The following FREM2 variants were observed in gnomAD, a reference collection of about 807,000 sequenced individuals.
The protein encoded by FREM2 is FRAS1 related extracellular matrix 2, also known as FRAS1-related extracellular matrix protein 2.
A neutral mutation model predicts 219.9 loss-of-function variants in FREM2; 119 were observed. The observed-to-expected ratio is 0.54, with a 90% CI of 0.47 to 0.63. The LOEUF is 0.63. Among genes scored for constraint, FREM2 ranks in the 30% least tolerant of loss-of-function variants. FREM2 has a pLI of 0.00. For synonymous variants in FREM2, 1,562 were observed against 1,522.8 expected, an observed-to-expected ratio of 1.03 and a Z score of -0.60; for missense variants, 4,030 against 3,993.6, an observed-to-expected ratio of 1.01 and a Z score of -0.25.
At position 38,691,380 on chromosome 13, in the gene FREM2, G is replaced by C. The variant is rs1213354835; in HGVS notation, c.4036G>C (p.Gly1346Arg). 2 of 1,613,974 alleles carry C rather than the reference G, an allele frequency of 1.2e-6. No homozygotes were observed. The highest frequency in any genetic ancestry group is 2.2e-5 in the South Asian group (2 of 91,066). ...DKSLVYIIRY[G>R]PGHGLLQRRK... Reference sequence around the variant, plus strand: ...ATCTTTGGTTTATATTATTCGTTATGGGCCAGGACATGGCTTATTACAGAG... The same window carrying C: ...ATCTTTGGTTTATATTATTCGTTATCGGCCAGGACATGGCTTATTACAGAG... The change falls in exon 1 of 24, where the codon GGG becomes CGG. Residue 1346 changes from glycine (G) to arginine (R), a missense_variant. By Grantham distance (125) the Gly-to-Arg change is moderately radical. This residue lies in a region of FREM2 where 3,102 missense variants were observed against 2,950.7 expected (regional missense o/e 1.05). Transcript: ENST00000280481.
chr13:38,740,472 T>C (rs1482956585), intron 2 of FREM2, among the ~76,000 whole-genome samples: 1 of 152,186 alleles, frequency 6.6e-6, no homozygotes, highest in Non-Finnish European at 1.5e-5. Flanking sequence ...GTTGAGATGA[T>C]TAATTGGAGC....
chr13:38,704,710 TG>T (rs1870471874), intron 2 of FREM2, among the ~76,000 whole-genome samples: 1 of 152,202 alleles, frequency 6.6e-6, no homozygotes, highest in Admixed American at 6.5e-5. Flanking sequence ...GTTTTCACAG[TG>T]GTCTAAAGAA....
intron 2 of FREM2, among the ~76,000 whole-genome samples, chr13:38,751,591 C>T (rs534912383): frequency 6.6e-6 from 1 of 152,252 alleles, no homozygotes; most frequent in South Asian, 2.1e-4. Flanking sequence ...GTGCTCCCCT[C>T]CCTCCTCTGA....
intron 4 of FREM2, among the ~76,000 whole-genome samples, chr13:38,776,974 A>T (rs1369138496): frequency 6.6e-6 from 1 of 152,054 alleles, no homozygotes; most frequent in Non-Finnish European, 1.5e-5. Context: ...CAAAGACAGC[A>T]GCAGTTCCAA....
chr13:38,726,023 G>A (rs1871506222), intron 2 of FREM2, among the ~76,000 whole-genome samples: 1 of 152,144 alleles, frequency 6.6e-6, no homozygotes, highest in Non-Finnish European at 1.5e-5. Context: ...AATTGCCATT[G>A]AAAAGATGTT....
chr13:38,857,027 T>A (rs1445544547), intron 12 of FREM2, among the ~76,000 whole-genome samples: 2 of 152,184 alleles, frequency 1.3e-5, no homozygotes, highest in Non-Finnish European at 2.9e-5. Flanking sequence ...CTACAGTGCC[T>A]TGCTTTTTAT....
intron 2 of FREM2, 73 bp from the exon 3 acceptor site, chr13:38,764,226 TTAAAG>T (rs1873346522): frequency 6.8e-6 from 7 of 1,025,828 alleles, no homozygotes; most frequent in South Asian, 2.6e-5. Flanking sequence ...TGTTGTTTCA[TTAAAG>T]TAATCTGTGG....
At chr13:38,807,189 T>TTATATATATATATATATATATATA (rs59551341) in intron 6 of FREM2, among the ~76,000 whole-genome samples, 6 of 45,380 alleles carry the variant, frequency 1.3e-4, no homozygotes, top group African/African-American at 1.9e-4. Flanking sequence ...CTTGTCTCTG[T>TTATATATATATATATATATATATA]TATATATATA....
chr13:38,718,017 A>G (rs2496438), intron 2 of FREM2, among the ~76,000 whole-genome samples: 122,235 of 152,128 alleles, frequency 0.8, 49,924 homozygotes, highest in South Asian at 0.9. Flanking sequence ...ACCAACCAGA[A>G]AGAATCACAA....
At chr13:38,867,116 A>AGT (rs1877997414) in intron 16 of FREM2, among the ~76,000 whole-genome samples, 1 of 152,218 alleles carries the variant, frequency 6.6e-6, no homozygotes, top group South Asian at 2.1e-4. Flanking sequence ...AACTGACAAC[A>AGT]GTCCTACTCC....
chr13:38,815,210 T>C (rs1159946824), intron 6 of FREM2, among the ~76,000 whole-genome samples: 1 of 152,220 alleles, frequency 6.6e-6, no homozygotes, highest in African/African-American at 2.4e-5. Flanking sequence ...TGAATTGTTT[T>C]TATTTCATTG....
chr13:38,698,452 C>A (rs1046716915), intron 2 of FREM2, among the ~76,000 whole-genome samples: 4 of 152,180 alleles, frequency 2.6e-5, no homozygotes, highest in Non-Finnish European at 4.4e-5. Context: ...GAACTGCCTG[C>A]TGTTTATACT....
At chr13:38,794,276 A>G (rs962992719) in intron 6 of FREM2, among the ~76,000 whole-genome samples, 4 of 152,220 alleles carry the variant, frequency 2.6e-5, no homozygotes, top group African/African-American at 9.6e-5. Context: ...AATAGTCAGT[A>G]TTAAGGGTAT....
rs532851962 is a variant in FREM2 at position 38,776,800 on chromosome 13, C to T, written c.5642-6270C>T. Among the ~76,000 whole-genome samples the T allele has an allele frequency of 3.3e-5, 5 of 151,080 alleles. No homozygotes were observed. The East Asian group carries it at 7.8e-4, about 23-fold the overall frequency. On this transcript the variant is annotated intron_variant, in intron 4 of 23. Coordinates refer to ENST00000280481, the MANE Select transcript of FREM2 (RefSeq NM_207361.6). The stretch of plus-strand genomic sequence containing the variant: ...AACTGCTAAAAAGAAAAAAAAAAAA[C>T]CCAGAGGTCTATTCACTTAATTTCA...
At chr13:38,697,659 T>G (rs1189455699) in intron 1 of FREM2, 39 bp from the exon 2 acceptor site, 1 of 1,140,288 alleles carries the variant, frequency 8.8e-7, no homozygotes, top group African/African-American at 1.5e-5. Flanking sequence ...TCAATTTTAC[T>G]CTGGTAATTA....
Position 38,764,401 on chromosome 13 carries a change from A to G in FREM2, c.5361A>G (p.Leu1787=), listed in dbSNP as rs138378958. The change falls in exon 3 of 24, where the codon CTA becomes CTG. Residue 1787 remains leucine (L), a synonymous_variant. Transcript: ENST00000280481. The part of the protein sequence containing the change: ...YYLVNEDSKF[L]DVVLKRRGYL... ...TGGTCAATGAGGACTCCAAATTTCT[A>G]GATGTTGTTCTTAAACGTAGAGGTT... 1.3e-6 allele frequency: 2 copies of G among 1,599,932 alleles called. No homozygotes were observed. The highest frequency in any genetic ancestry group is 2.7e-5 in the African/African-American group (2 of 74,658).
At chr13:38,791,869 G>T (rs1047401614) in intron 6 of FREM2, among the ~76,000 whole-genome samples, 6 of 152,170 alleles carry the variant, frequency 3.9e-5, no homozygotes, top group African/African-American at 1.4e-4. Context: ...GTATTTTAAA[G>T]TAAAGAGTGA....
intron 2 of FREM2, among the ~76,000 whole-genome samples, chr13:38,709,707 T>A (rs2138093125): frequency 6.6e-6 from 1 of 152,220 alleles, no homozygotes; most frequent in Non-Finnish European, 1.5e-5. Context: ...ATCTTTTATT[T>A]AAAGTGGCTT....
At chr13:38,712,093 G>A (rs781059338) in intron 2 of FREM2, among the ~76,000 whole-genome samples, 15 of 151,288 alleles carry the variant, frequency 9.9e-5, no homozygotes, top group Non-Finnish European at 1.9e-4. Context: ...GCTAATTTTT[G>A]TAATTTTAGT....
Sources: allele counts gnomAD v4.1 joint callset (sites outside exome capture counted in the v4.1 genomes callset), GRCh38; gene constraint gnomAD v4.1.1; regional missense constraint gnomAD v4.1.1; transcripts MANE v1.5; gene names NCBI Gene and HGNC (gene_info 2026-07-23, HGNC 2026-07-21).